CKM: variants seen among roughly 807,000 people sequenced by gnomAD.
The protein encoded by CKM is creatine kinase M-type.
A neutral mutation model predicts 35.4 loss-of-function variants in CKM; 28 were observed. The ratio of observed to expected loss-of-function variants is 0.79; its 90% confidence interval spans 0.59 to 1.08. The LOEUF is 1.08. Among genes scored for constraint, CKM ranks in the 50% least tolerant of loss-of-function variants. CKM has a pLI of 0.00. For synonymous variants in CKM, 215 were observed against 204.4 expected (o/e 1.05, Z -0.44); for missense variants, 484 against 509.8 (o/e 0.95, Z 0.49).
Position 45,319,568 on chromosome 19 carries a change from G to T in CKM, c.146C>A (p.Ser49Tyr), listed in dbSNP as rs371827047. 6.2e-7 allele frequency: 1 copy of T among 1,614,066 alleles called. No homozygotes were observed. The highest frequency in any genetic ancestry group is 8.5e-7 in the Non-Finnish European group (1 of 1,180,044). ...GATGACATCGTCTACAGTGAAGCCA[G>T]ATGGAGTCTCCTTGTCCCGCAGCTT... ...YKKLRDKETP[S>Y]GFTVDDVIQT... is the part of the protein sequence containing the mutation. The change falls in exon 2 of 8, where the codon TCT becomes TAT. Residue 49 changes from serine to tyrosine, a missense_variant. By Grantham distance (144) the Ser-to-Tyr change is moderately radical (BLOSUM62 -2). Coordinates refer to ENST00000221476, the MANE Select transcript of CKM (RefSeq NM_001824.5).
chr19:45,306,897 TACTGAGCCC>T lies in CKM; in HGVS notation c.990_998del (p.Gly331_Val333del). 1 of 1,614,076 alleles carries T rather than the reference TACTGAGCCC, an allele frequency of 6.2e-7. No homozygotes were observed. The highest frequency in any genetic ancestry group is 8.5e-7 in the Non-Finnish European group (1 of 1,180,022). ...GCCGATCAGCGTTGGACACGTCAAATACTGAGCCCACGGCAGCTGTGTCCACGCCACCTG... is the reference window on the plus strand; with the variant it reads ...GCCGATCAGCGTTGGACACGTCAAATACGGCAGCTGTGTCCACGCCACCTG... On this transcript the variant is annotated inframe_deletion, in exon 8 of 8. Transcript: ENST00000221476. The surrounding 1 kb of genome is among the most constrained non-coding windows in gnomAD (Gnocchi z 4.5).
rs764457358 is a variant in CKM at position 45,306,885 on chromosome 19, G to A, written c.1011C>T (p.Ser337=). The change falls in exon 8 of 8, where the codon TCC becomes TCT. Residue 337 remains serine, a synonymous_variant. Coordinates refer to ENST00000221476, the MANE Select transcript of CKM (RefSeq NM_001824.5). This position sits in a 1 kb window ranked among gnomAD's most constrained non-coding sequence, Gnocchi z 4.5. ...TAAVGSVFDV[S]NADRLGSSEV... ...CGGACGAGCCCAGCCGATCAGCGTT[G>A]GACACGTCAAATACTGAGCCCACGG... 11 of 1,614,034 alleles carry A rather than the reference G, an allele frequency of 6.8e-6. No homozygotes were observed. The East Asian group carries it at 2.0e-4, about 29-fold the overall frequency.
intron 2 of CKM, among the ~76,000 whole-genome samples, chr19:45,318,537 G>C (rs1461861405): frequency 2.0e-5 from 3 of 152,058 alleles, no homozygotes; most frequent in Non-Finnish European, 4.4e-5. Flanking sequence ...GGGGTCAAAG[G>C]AGAAAGGGGA....
intron 4 of CKM, among the ~76,000 whole-genome samples, chr19:45,314,916 T>G (rs909987996): frequency 1.3e-5 from 2 of 152,046 alleles, no homozygotes; most frequent in African/African-American, 4.8e-5. Context: ...CTTGCTGTAT[T>G]GCCCAGTCTG....
At position 45,306,631 on chromosome 19, in the gene CKM, G is replaced by A. The variant is rs974343278; in HGVS notation, c.*119C>T. On this transcript the variant is annotated 3_prime_UTR_variant, in exon 8 of 8. Coordinates refer to ENST00000221476, the MANE Select transcript of CKM (RefSeq NM_001824.5). The surrounding 1 kb of genome is among the most constrained non-coding windows in gnomAD (Gnocchi z 4.5). ...ACTGGAACTCTGAGAAGGGTGGAGAGAGCCCCCAGGTGGGACTCTGGGACA... is the reference window on the plus strand; with the variant it reads ...ACTGGAACTCTGAGAAGGGTGGAGAAAGCCCCCAGGTGGGACTCTGGGACA... 11 of 1,023,136 alleles carry A rather than the reference G, an allele frequency of 1.1e-5. No homozygotes were observed. Among genetic ancestry groups the A allele is most frequent in the Non-Finnish European group, 1.7e-5 (11 of 664,962 alleles). 63.4% of individuals were successfully genotyped at this position (1,023,136 alleles called of 1,614,324 possible). A position where few individuals can be genotyped will look rare whatever the true frequency, so the allele number is the denominator to read the frequency against.
chr19:45,312,720 A>G (rs986868433), intron 4 of CKM, among the ~76,000 whole-genome samples: 1 of 152,086 alleles, frequency 6.6e-6, no homozygotes, highest in Non-Finnish European at 1.5e-5. Flanking sequence ...TTGGGAGGCC[A>G]AGGCAGGCAG....
At chr19:45,309,786 C>A (rs1475888559) in intron 5 of CKM, among the ~76,000 whole-genome samples, 1 of 149,412 alleles carries the variant, frequency 6.7e-6, no homozygotes, top group Non-Finnish European at 1.5e-5. Flanking sequence ...TCGTTTGAAC[C>A]CGGGAGATGG....
At chr19:45,308,374 G>A in intron 6 of CKM, 35 bp downstream of exon 6, 1 of 1,613,776 alleles carries the variant, frequency 6.2e-7, no homozygotes, top group Non-Finnish European at 8.5e-7. Flanking sequence ...GTTCAAGGTG[G>A]AGTCAGAAGT....
chr19:45,306,865 G>C lies in CKM; in HGVS notation c.1031C>G (p.Ser344Trp). The C allele has an allele frequency of 6.2e-7, 1 of 1,614,154 alleles. No individual in the cohort carries two copies. Among genetic ancestry groups the C allele is most frequent in the Non-Finnish European group, 8.5e-7 (1 of 1,180,034 alleles). The change falls in exon 8 of 8, where the codon TCG becomes TGG. Residue 344 changes from serine to tryptophan, a missense_variant. Coordinates refer to ENST00000221476, the MANE Select transcript of CKM (RefSeq NM_001824.5). This position sits in a 1 kb window ranked among gnomAD's most constrained non-coding sequence, Gnocchi z 4.5. ...FDVSNADRLG[S>W]SEVEQVQLVV... ...CAGCTGCACCTGTTCTACTTCGGACGAGCCCAGCCGATCAGCGTTGGACAC... is the reference window on the plus strand; with the variant it reads ...CAGCTGCACCTGTTCTACTTCGGACCAGCCCAGCCGATCAGCGTTGGACAC...
intron 1 of CKM, among the ~76,000 whole-genome samples, chr19:45,321,152 C>T (rs939955354): frequency 1.3e-5 from 2 of 151,800 alleles, no homozygotes; most frequent in Non-Finnish European, 2.9e-5. Flanking sequence ...GATCCGCCCA[C>T]CTCTGCCTCC....
At chr19:45,307,043 G>A in intron 7 of CKM, 115 bp from the exon 8 acceptor site, 3 of 1,017,384 alleles carry the variant, frequency 2.9e-6, no homozygotes, top group South Asian at 2.6e-5. Flanking sequence ...TGTGTAACAG[G>A]TTACCTGCAC....
Position 45,308,552 on chromosome 19 carries a change from C to T in CKM, c.654-20G>A, listed in dbSNP as rs1387914183. 1 of 1,611,630 alleles carries T rather than the reference C, an allele frequency of 6.2e-7. No individual in the cohort carries two copies. Among genetic ancestry groups the T allele is most frequent in the African/African-American group, 1.3e-5 (1 of 74,822 alleles). On this transcript the variant is annotated intron_variant, in intron 5 of 7. Transcript: ENST00000221476. ...TTGTGCCTAGAGTAAGGTGCCGCAG[C>T]AAGAGGCCAAGGTGTCAGCCCCGTG...
chr19:45,306,511 G>T lies in CKM; in HGVS notation c.*239C>A. On this transcript the variant is annotated 3_prime_UTR_variant, in exon 8 of 8. Coordinates refer to ENST00000221476, the MANE Select transcript of CKM (RefSeq NM_001824.5). This position sits in a 1 kb window ranked among gnomAD's most constrained non-coding sequence, Gnocchi z 4.5. ...CCATTAACTAGAGCTCCTGGTTGGG[G>T]TGGAGCTCTGGGAAAAGAAGAGGAC... 2 of 568,234 alleles carry T rather than the reference G, an allele frequency of 3.5e-6. No individual in the cohort carries two copies. Among genetic ancestry groups the T allele is most frequent in the Non-Finnish European group, 3.2e-6 (1 of 316,352 alleles). 35.2% of individuals were successfully genotyped at this position (568,234 alleles called of 1,614,324 possible). A position where few individuals can be genotyped will look rare whatever the true frequency, so the allele number is the denominator to read the frequency against.
Position 45,307,684 on chromosome 19 carries a change from C to T in CKM, c.778-34G>A, listed in dbSNP as rs751322808. 3.4e-5 allele frequency: 54 copies of T among 1,590,142 alleles called. No homozygotes were observed. The Admixed American group carries it at 7.4e-4, about 22-fold the overall frequency. On this transcript the variant is annotated intron_variant, in intron 6 of 7. Coordinates refer to ENST00000221476, the MANE Select transcript of CKM (RefSeq NM_001824.5). ...CAGAGAGAGGACCAGGGGTCAGCGCCGGCAGGCACCCCCAAATGCACCCGC... is the reference window on the plus strand; with the variant it reads ...CAGAGAGAGGACCAGGGGTCAGCGCTGGCAGGCACCCCCAAATGCACCCGC...
intron 5 of CKM, among the ~76,000 whole-genome samples, chr19:45,310,203 C>T (rs1297691125): frequency 1.5e-5 from 2 of 137,264 alleles, no homozygotes; most frequent in African/African-American, 5.6e-5. Context: ...TCACTTCAAG[C>T]TCCGCCTCCC....
At chr19:45,322,186 C>T (rs906803429) in intron 1 of CKM, among the ~76,000 whole-genome samples, 1 of 151,818 alleles carries the variant, frequency 6.6e-6, no homozygotes, top group African/African-American at 2.4e-5. Flanking sequence ...AGGGACACCC[C>T]AGGAGAGGGC....
intron 2 of CKM, among the ~76,000 whole-genome samples, 200 bp downstream of exon 2, chr19:45,319,321 T>A (rs552071272): frequency 7.9e-5 from 12 of 152,320 alleles, no homozygotes; most frequent in African/African-American, 2.9e-4. Context: ...TTCTCGTGCA[T>A]GTTTATTGCG....
rs563111119 is a variant in CKM at position 45,317,951 on chromosome 19, G to A, written c.222C>T (p.Cys74=). The change falls in exon 3 of 8, where the codon TGC becomes TGT. Residue 74 remains cysteine (C), a synonymous_variant. Coordinates refer to ENST00000221476, the MANE Select transcript of CKM (RefSeq NM_001824.5). Reference sequence around the variant, plus strand: ...CGTAGGACTCCTCATCACCAGCCACGCAGCCCACGGTCATGATGAAGGGGT... The same window carrying A: ...CGTAGGACTCCTCATCACCAGCCACACAGCCCACGGTCATGATGAAGGGGT... ...PGHPFIMTVG[C]VAGDEESYEV... 61 of 1,613,942 alleles carry A rather than the reference G, an allele frequency of 3.8e-5. No individual in the cohort carries two copies. Among genetic ancestry groups the A allele is most frequent in the African/African-American group, 3.2e-4 (24 of 75,002 alleles).
rs1344744142 is a variant in CKM at position 45,315,535 on chromosome 19, G to A, written c.411C>T (p.Ile137=). ...LSSRVRTGRS[I]KGYTLPPHCS... Reference sequence around the variant, plus strand: ...AGTGTGGGGGCAACGTGTAGCCCTTGATGCTGCGGCCAGTGCGGACGCGGC... The same window carrying A: ...AGTGTGGGGGCAACGTGTAGCCCTTAATGCTGCGGCCAGTGCGGACGCGGC... The change falls in exon 4 of 8, where the codon ATC becomes ATT. Residue 137 remains isoleucine (I), a synonymous_variant. Transcript: ENST00000221476. 1 of 1,602,296 alleles carries A rather than the reference G, an allele frequency of 6.2e-7. No homozygotes were observed. Among genetic ancestry groups the A allele is most frequent in the Non-Finnish European group, 8.5e-7 (1 of 1,179,970 alleles).
Sources: gnomAD v4.1 joint callset for allele counts (sites outside exome capture counted in the v4.1 genomes callset) on GRCh38, gnomAD v4.1.1 for gene constraint, Gnocchi (gnomAD v3.1) non-coding constraint, MANE v1.5 for transcripts, NCBI Gene and HGNC (gene_info 2026-07-23, HGNC 2026-07-21) for gene names.